Variants in GPC5 observed in about 807,000 individuals in gnomAD.
GPC5 encodes glypican-5.
A neutral mutation model predicts 53.9 loss-of-function variants in GPC5; 47 were observed. The ratio of observed to expected loss-of-function variants is 0.87; its 90% CI spans 0.69 to 1.11. The LOEUF (loss-of-function observed/expected upper bound fraction) is 1.11, where lower values mean the gene tolerates loss of function less well. Among genes scored for constraint, GPC5 ranks in the 50% most tolerant of loss-of-function variants. The pLI is 0.00. For missense variants in GPC5, 748 were observed against 713.1 expected (o/e 1.05, Z -0.56); for synonymous variants, 286 against 263.3 (o/e 1.09, Z -0.84).
intron 6 of GPC5, among the ~76,000 whole-genome samples, chr13:92,077,426 T>A (rs1214212809): frequency 6.6e-6 from 1 of 152,214 alleles, no homozygotes; most frequent in Non-Finnish European, 1.5e-5. Flanking sequence ...TAGATGACTC[T>A]GTGATCTGAG....
At chr13:91,520,475 A>C (rs1387159633) in intron 2 of GPC5, among the ~76,000 whole-genome samples, 2 of 152,158 alleles carry the variant, frequency 1.3e-5, no homozygotes, top group African/African-American at 4.8e-5. Flanking sequence ...GCAGGCCTTA[A>C]GAGAGAATGA....
chr13:91,879,047 T>A (rs1202607970), intron 5 of GPC5, among the ~76,000 whole-genome samples: 1 of 152,174 alleles, frequency 6.6e-6, no homozygotes, highest in Admixed American at 6.5e-5. Context: ...CTAATGTTTT[T>A]TATATGGCAC....
intron 7 of GPC5, among the ~76,000 whole-genome samples, chr13:92,613,356 A>G (rs1341711071): frequency 1.0e-3 from 97 of 96,010 alleles, no homozygotes; most frequent in African/African-American, 3.8e-3. Context: ...ATATAAATAT[A>G]TAATATATTT....
At chr13:91,944,913 T>C (rs2039960986) in intron 6 of GPC5, among the ~76,000 whole-genome samples, 1 of 152,210 alleles carries the variant, frequency 6.6e-6, no homozygotes, top group African/African-American at 2.4e-5. Flanking sequence ...TAACTTTTGC[T>C]ATGGAAAACT....
At chr13:92,663,878 A>AC (rs1886470707) in intron 7 of GPC5, among the ~76,000 whole-genome samples, 5 of 60,790 alleles carry the variant, frequency 8.2e-5, no homozygotes, top group African/African-American at 3.4e-4. Flanking sequence ...ATATATATAT[A>AC]TATATATATA....
At chr13:92,641,830 G>A (rs186891152) in intron 7 of GPC5, among the ~76,000 whole-genome samples, 1 of 152,008 alleles carries the variant, frequency 6.6e-6, no homozygotes, top group East Asian at 1.9e-4. Context: ...TGGCACTTTG[G>A]GCAGAAAGGG....
rs187717083 is a variant in GPC5, at chr13:92,788,889, G to A, written c.1562-77393G>A. ...TTGAGAAAGCCCTCACTAGGCCAAC[G>A]GGTTTCCCCCAGGGTATTTGCTCAA... is the stretch of plus-strand genomic sequence containing the variant. On this transcript the variant is annotated intron_variant, in intron 7 of 7. Coordinates refer to ENST00000377067, the MANE Select transcript of GPC5 (RefSeq NM_004466.6). Among the ~76,000 whole-genome samples the A allele has an allele frequency of 2.6e-3, 401 of 152,238 alleles. 2 individuals carry two copies. The highest frequency in any genetic ancestry group is 4.8e-3 in the Admixed American group (73 of 15,274).
chr13:91,595,047 C>A (rs916228839), intron 2 of GPC5, among the ~76,000 whole-genome samples: 1 of 149,006 alleles, frequency 6.7e-6, no homozygotes, highest in Non-Finnish European at 1.5e-5. Flanking sequence ...TATTTCTAGA[C>A]GGAGACTCAC....
intron 5 of GPC5, among the ~76,000 whole-genome samples, chr13:91,804,805 A>G (rs916012429): frequency 5.3e-5 from 8 of 152,186 alleles, no homozygotes; most frequent in Non-Finnish European, 1.2e-4. Flanking sequence ...TGCCCATTAC[A>G]GTGAGACTTT....
chr13:92,510,058 C>G (rs1392206209), intron 7 of GPC5: 1 of 152,036 alleles, frequency 6.6e-6, no homozygotes. Context: ...CCATCCTAAT[C>G]CAAGGGTTAC....
At chr13:92,508,940 G>A (rs929458434) in intron 7 of GPC5, among the ~76,000 whole-genome samples, 2 of 152,110 alleles carry the variant, frequency 1.3e-5, no homozygotes, top group Admixed American at 6.5e-5. Flanking sequence ...AGGACTGGGC[G>A]CCTACTCTGT....
At position 92,178,831 on chromosome 13, in the gene GPC5, C is replaced by T. The variant is rs573883686; in HGVS notation, c.1561+33842C>T. Among the ~76,000 whole-genome samples the T allele has an allele frequency of 2.0e-5, 3 of 152,028 alleles. No individual in the cohort carries two copies. The East Asian group carries it at 5.8e-4, about 30-fold the overall frequency. On this transcript the variant is annotated intron_variant, in intron 7 of 7. Coordinates refer to ENST00000377067, the MANE Select transcript of GPC5 (RefSeq NM_004466.6). The stretch of plus-strand genomic sequence containing the variant: ...CTCTACTAAAAATACAAAAAATTAG[C>T]CAGGTGTGGTGGCCCTGTAGTCCCA...
intron 5 of GPC5, among the ~76,000 whole-genome samples, chr13:91,868,763 G>A (rs1164836138): frequency 2.0e-5 from 3 of 152,026 alleles, no homozygotes; most frequent in Non-Finnish European, 4.4e-5. Flanking sequence ...TGAGGTAGAG[G>A]TTAGAGGGGA....
At chr13:92,163,909 C>CA (rs2042008911) in intron 7 of GPC5, among the ~76,000 whole-genome samples, 1 of 152,110 alleles carries the variant, frequency 6.6e-6, no homozygotes, top group Non-Finnish European at 1.5e-5. Flanking sequence ...AGGAAACTTA[C>CA]AATCATGGCA....
At chr13:91,980,134 G>A (rs1167823942) in intron 6 of GPC5, among the ~76,000 whole-genome samples, 11 of 152,138 alleles carry the variant, frequency 7.2e-5, no homozygotes. Context: ...ACCTTCTACA[G>A]AAATCCAACA....
intron 7 of GPC5, among the ~76,000 whole-genome samples, chr13:92,323,183 A>C (rs868793958): frequency 1.3e-5 from 2 of 151,440 alleles, no homozygotes. Flanking sequence ...ATTAATTACT[A>C]TTTCTGGGCA....
At chr13:92,368,997 C>G (rs2043629110) in intron 7 of GPC5, among the ~76,000 whole-genome samples, 1 of 152,118 alleles carries the variant, frequency 6.6e-6, no homozygotes, top group South Asian at 2.1e-4. Flanking sequence ...TGTATACTGT[C>G]TTACTGGTAT....
At chr13:91,460,522 G>A (rs1298211236) in intron 2 of GPC5, among the ~76,000 whole-genome samples, 3 of 151,808 alleles carry the variant, frequency 2.0e-5, no homozygotes, top group Non-Finnish European at 2.9e-5. Context: ...GGCTGGTTTC[G>A]AACTCCTGGC....
At chr13:92,017,338 C>T (rs2040716263) in intron 6 of GPC5, among the ~76,000 whole-genome samples, 1 of 152,066 alleles carries the variant, frequency 6.6e-6, no homozygotes, top group African/African-American at 2.4e-5. Flanking sequence ...AGAGAGCTGG[C>T]TCTTTTTTTC....
Sources: allele counts gnomAD v4.1 joint callset (sites outside exome capture counted in the v4.1 genomes callset), GRCh38; gene constraint gnomAD v4.1.1; transcripts MANE v1.5; gene names NCBI Gene and HGNC (gene_info 2026-07-23, HGNC 2026-07-21).